Variants in ZSWIM6 observed in about 807,000 individuals in gnomAD.
ZSWIM6 encodes the protein zinc finger SWIM domain-containing protein 6.
In ZSWIM6, 9 loss-of-function variants were observed where a neutral mutation model predicts 113.2. That is an observed-to-expected ratio of 0.08 (90% confidence interval 0.05 to 0.14). The LOEUF (loss-of-function observed/expected upper bound fraction) is 0.14. Ranked by LOEUF, ZSWIM6 falls within the 10% of genes least tolerant of loss-of-function variation. ZSWIM6 has a pLI of 1.00. For synonymous variants in ZSWIM6, 611 were observed against 606.5 expected (o/e 1.01, Z -0.11); for missense variants, 1,162 against 1,552.2 (o/e 0.75, Z 4.22).
chr5:61,508,474 T>C (rs1270883688), intron 4 of ZSWIM6, among the ~76,000 whole-genome samples: 1 of 152,198 alleles, frequency 6.6e-6, no homozygotes, highest in Non-Finnish European at 1.5e-5. Flanking sequence ...ATATGATGAA[T>C]GGTTTGTTTG....
rs150764729 is a variant in ZSWIM6, at chr5:61,504,663, T to A, written c.1333+10253T>A. Among the ~76,000 whole-genome samples, 51 of 152,360 alleles carry A rather than the reference T, an allele frequency of 3.3e-4. No homozygotes were observed. In the East Asian group the frequency reaches 9.6e-3, roughly 29 times the overall value. The stretch of plus-strand genomic sequence containing the variant: ...AGTGTCTACCGGACCATCAGCACTC[T>A]ATACTAATCATCATTGGTAAATATG... On this transcript the variant is annotated intron_variant, in intron 4 of 13. Coordinates refer to ENST00000252744, the MANE Select transcript of ZSWIM6 (RefSeq NM_020928.2).
At chr5:61,413,075 GGTTA>G (rs1746177542) in intron 1 of ZSWIM6, among the ~76,000 whole-genome samples, 1 of 150,538 alleles carries the variant, frequency 6.6e-6, no homozygotes, top group Non-Finnish European at 1.5e-5. Context: ...ACAATGTGCA[GGTTA>G]GTTACATACG....
chr5:61,426,419 C>A (rs1237925121), intron 1 of ZSWIM6, among the ~76,000 whole-genome samples: 1 of 152,178 alleles, frequency 6.6e-6, no homozygotes, highest in African/African-American at 2.4e-5. Flanking sequence ...TCTCTCTGCT[C>A]ACACATACAT....
chr5:61,374,955 C>T (rs894062364), intron 1 of ZSWIM6, among the ~76,000 whole-genome samples: 4 of 151,938 alleles, frequency 2.6e-5, no homozygotes, highest in African/African-American at 9.7e-5. Flanking sequence ...GCTTGACAAA[C>T]TAAGGCTAAA....
intron 1 of ZSWIM6, among the ~76,000 whole-genome samples, chr5:61,361,520 C>T (rs994019589): frequency 3.9e-5 from 6 of 152,284 alleles, no homozygotes; most frequent in African/African-American, 1.4e-4. Context: ...AAGTTAGCAT[C>T]CCACTACAGA....
intron 1 of ZSWIM6, among the ~76,000 whole-genome samples, chr5:61,412,326 G>T (rs1051068217): frequency 6.6e-6 from 1 of 152,174 alleles, no homozygotes; most frequent in South Asian, 2.1e-4. Context: ...AAATGGGGTC[G>T]GGAGAGAAGC....
intron 1 of ZSWIM6, among the ~76,000 whole-genome samples, chr5:61,469,943 G>A (rs1034577713): frequency 6.6e-6 from 1 of 152,122 alleles, no homozygotes; most frequent in Non-Finnish European, 1.5e-5. Context: ...TCCTGACCTC[G>A]TGATCCGCCT....
chr5:61,416,263 C>T (rs1318452385), intron 1 of ZSWIM6, among the ~76,000 whole-genome samples: 1 of 152,186 alleles, frequency 6.6e-6, no homozygotes, highest in South Asian at 2.1e-4. Flanking sequence ...TAAGATGAGT[C>T]AATTCTAATA....
intron 7 of ZSWIM6, 98 bp downstream of exon 7, chr5:61,526,494 C>A: frequency 7.5e-7 from 1 of 1,339,602 alleles, no homozygotes; most frequent in Non-Finnish European, 1.0e-6. Flanking sequence ...GAACTAAAAC[C>A]ATAGATGATG....
At chr5:61,492,614 T>A (rs1748211296) in intron 3 of ZSWIM6, among the ~76,000 whole-genome samples, 4 of 152,136 alleles carry the variant, frequency 2.6e-5, no homozygotes, top group Admixed American at 2.0e-4. Context: ...AAATGGCAAC[T>A]CCTTTTCTTC....
At chr5:61,375,138 C>T (rs1401513857) in intron 1 of ZSWIM6, 3 of 1,611,580 alleles carry the variant, frequency 1.9e-6, no homozygotes, top group South Asian at 1.1e-5. Context: ...ATCGGGTGGC[C>T]TATATGAACC....
intron 1 of ZSWIM6, among the ~76,000 whole-genome samples, chr5:61,336,336 T>G (rs1424398689): frequency 2.0e-5 from 3 of 152,132 alleles, no homozygotes; most frequent in African/African-American, 7.2e-5. Flanking sequence ...ATAAGTATTA[T>G]CGACATCATT....
chr5:61,535,755 A>G (rs1446352872), intron 10 of ZSWIM6, 136 bp downstream of exon 10: 5 of 1,122,448 alleles, frequency 4.5e-6, no homozygotes, highest in Non-Finnish European at 6.2e-6. Flanking sequence ...TGCTTCCTGT[A>G]TTGTTGTGGA....
intron 1 of ZSWIM6, among the ~76,000 whole-genome samples, chr5:61,390,497 A>G (rs1228088067): frequency 1.3e-5 from 2 of 152,158 alleles, no homozygotes; most frequent in African/African-American, 4.8e-5. Context: ...ATTTGCTTGT[A>G]CTGTCTTTTT....
intron 2 of ZSWIM6, among the ~76,000 whole-genome samples, chr5:61,484,794 G>A (rs1053075017): frequency 6.6e-6 from 1 of 152,166 alleles, no homozygotes; most frequent in Non-Finnish European, 1.5e-5. Flanking sequence ...GACAGCCCCT[G>A]CCCTGATGAC....
At chr5:61,423,997 G>A (rs777040610) in intron 1 of ZSWIM6, among the ~76,000 whole-genome samples, 3 of 152,166 alleles carry the variant, frequency 2.0e-5, no homozygotes, top group Non-Finnish European at 1.5e-5. Context: ...GTTACTGCCA[G>A]CAATTTGTGC....
At chr5:61,374,817 A>T (rs1180834222) in intron 1 of ZSWIM6, among the ~76,000 whole-genome samples, 1 of 152,042 alleles carries the variant, frequency 6.6e-6, no homozygotes, top group African/African-American at 2.4e-5. Flanking sequence ...GGCCTCCCAA[A>T]GTGTTGGGAT....
Position 61,530,073 on chromosome 5 carries a change from C to A in ZSWIM6, c.1859C>A (p.Thr620Asn), listed in dbSNP as rs201369904. The A allele has an allele frequency of 7.1e-6, 11 of 1,551,200 alleles. No homozygotes were observed. The highest frequency in any genetic ancestry group is 1.7e-4 in the Middle Eastern group (1 of 6,010). Residue 620 changes from threonine to asparagine, a missense_variant, in exon 8 of 14, where the codon ACC becomes AAC. By Grantham distance (65) the Thr-to-Asn change is moderately conservative (BLOSUM62 0). Around this residue, in one of 4 missense-constraint regions of ZSWIM6, gnomAD observed 620 missense variants for 804.6 expected, o/e 0.77. Coordinates refer to ENST00000252744, the MANE Select transcript of ZSWIM6 (RefSeq NM_020928.2). ...ACAGAGCTACCCCATAAAAACATAA[C>A]CTCGATAACCAATCTGGAGGGCTGG... ...QKKELPHKNI[T>N]SITNLEGWVG...
At chr5:61,505,333 A>G (rs1031223635) in intron 4 of ZSWIM6, among the ~76,000 whole-genome samples, 5 of 152,136 alleles carry the variant, frequency 3.3e-5, no homozygotes, top group Non-Finnish European at 7.3e-5. Context: ...TCTCTGATTT[A>G]AAACTTTTTA....
Sources: gnomAD v4.1 joint callset for allele counts (sites outside exome capture counted in the v4.1 genomes callset) on GRCh38, gnomAD v4.1.1 for gene constraint, gnomAD v4.1.1 regional missense constraint, MANE v1.5 for transcripts, NCBI Gene and HGNC (gene_info 2026-07-23, HGNC 2026-07-21) for gene names.